The following ERICH2 variants were observed in gnomAD, a reference collection of about 807,000 sequenced individuals.
ERICH2 encodes the protein glutamate-rich protein 2.
A neutral mutation model predicts 17.4 loss-of-function variants in ERICH2; 17 were observed. That is an observed-to-expected ratio of 0.98 (90% CI 0.67 to 1.47). ERICH2 has a LOEUF of 1.47. Among genes scored for constraint, ERICH2 ranks in the 40% most tolerant of loss-of-function variants. The pLI is 0.00. For synonymous variants in ERICH2, 51 were observed against 61.1 expected (o/e 0.83, Z 0.77); for missense variants, 186 against 183.2 (o/e 1.01, Z -0.09).
chr2:170,797,126 C>A (rs1436249885), intron 3 of ERICH2, among the ~76,000 whole-genome samples: 5 of 152,108 alleles, frequency 3.3e-5, no homozygotes, highest in South Asian at 2.1e-4. Flanking sequence ...GTTAAGCAGG[C>A]AATGACCAAC....
intron 1 of ERICH2, 89 bp from the exon 7 acceptor site, chr2:170,784,557 C>A: frequency 1.7e-6 from 1 of 576,232 alleles, no homozygotes; most frequent in Non-Finnish European, 2.8e-6. Flanking sequence ...ATTAATATAT[C>A]AGTTTAATGA....
chr2:170,789,127 A>ATT (rs200769691), intron 2 of ERICH2, among the ~76,000 whole-genome samples: 5 of 140,636 alleles, frequency 3.6e-5, no homozygotes, highest in Admixed American at 1.4e-4. Context: ...TGCCTGGCTA[A>ATT]TTTTTTTTTT....
intron 4 of ERICH2, 49 bp from the exon 10 acceptor site, chr2:170,798,721 G>T (rs1701489754): frequency 4.5e-6 from 7 of 1,543,662 alleles, no homozygotes; most frequent in Non-Finnish European, 6.1e-6. Flanking sequence ...ATTTTTCAGA[G>T]TGAAATATTA....
chr2:170,771,731 TATTCTC>T, the ERICH2 span, among the ~76,000 whole-genome samples: 1 of 152,264 alleles, frequency 6.6e-6, no homozygotes, highest in Non-Finnish European at 1.5e-5. This position sits in a 1 kb window ranked among gnomAD's most constrained non-coding sequence, Gnocchi z 4.8. Context: ...TCCCGGGCCT[TATTCTC>T]ATCTTATGAG....
At chr2:170,773,971 C>A in the ERICH2 span, among the ~76,000 whole-genome samples, 1 of 152,196 alleles carries the variant, frequency 6.6e-6, no homozygotes, top group Non-Finnish European at 1.5e-5. Flanking sequence ...ATCCTCTGGC[C>A]TCGACCTCCC....
intron 2 of ERICH2, among the ~76,000 whole-genome samples, chr2:170,790,298 C>G (rs780209871): frequency 6.6e-6 from 1 of 151,928 alleles, no homozygotes; most frequent in African/African-American, 2.4e-5. Flanking sequence ...AATTCAAGAC[C>G]GGCCTGGCCA....
rs532472433 is a variant in ERICH2 at position 170,793,326 on chromosome 2, G to A, written c.274+406G>A. ...TGTTCCAGGCACTGGAAATACAATA[G>A]TCAGTCAGACAGATGACAATCCCAC... is the stretch of plus-strand genomic sequence containing the variant. On this transcript the variant is annotated intron_variant, in intron 3 of 4. Coordinates refer to ENST00000409885, the Ensembl canonical transcript of ERICH2. 1.3e-4 allele frequency among the ~76,000 whole-genome samples: 19 copies of A among 145,070 alleles called. No individual in the cohort carries two copies. The South Asian group carries it at 3.5e-3, about 27-fold the overall frequency.
chr2:170,794,409 C>A (rs1038991669), intron 3 of ERICH2, among the ~76,000 whole-genome samples: 4 of 151,982 alleles, frequency 2.6e-5, no homozygotes, highest in African/African-American at 9.7e-5. Flanking sequence ...ACCTGGCTCT[C>A]TTTCTTTTAT....
At chr2:170,776,924 C>T in the ERICH2 span, among the ~76,000 whole-genome samples, 5 of 151,706 alleles carry the variant, frequency 3.3e-5, no homozygotes, top group African/African-American at 4.8e-5. Context: ...TCCCTCCCCA[C>T]CCCGTCCCCC....
upstream of ERICH2, among the ~76,000 whole-genome samples, chr2:170,779,324 T>G (rs560492444): frequency 6.6e-6 from 1 of 152,222 alleles, no homozygotes; most frequent in Admixed American, 6.5e-5. Flanking sequence ...TTCATTTAGG[T>G]TGGGTTAGGG....
chr2:170,794,025 T>C (rs900571052), intron 3 of ERICH2, among the ~76,000 whole-genome samples: 1 of 151,968 alleles, frequency 6.6e-6, no homozygotes, highest in Non-Finnish European at 1.5e-5. Context: ...ATGTGTATCT[T>C]ATACTCAGCT....
At chr2:170,790,521 G>A (rs1407793319) in intron 2 of ERICH2, among the ~76,000 whole-genome samples, 3 of 152,252 alleles carry the variant, frequency 2.0e-5, no homozygotes, top group Admixed American at 1.3e-4. Flanking sequence ...CAGCTATTCA[G>A]GAGGCTGAGG....
intron 1 of ERICH2, 26 bp from the exon 7 acceptor site, chr2:170,784,620 A>G: frequency 7.2e-7 from 1 of 1,391,546 alleles, no homozygotes; most frequent in East Asian, 2.6e-5. Flanking sequence ...ATCTCTTTTG[A>G]TTAAATTAGG....
Position 170,796,847 on chromosome 2 carries a change from G to A in ERICH2, c.275-1194G>A, listed in dbSNP as rs145713583. ...GGAGTCACAATATTAAACGGATGAT[G>A]CAAAATTATGAATACTCCTCAAGGC... On this transcript the variant is annotated intron_variant, in intron 3 of 4. Coordinates refer to ENST00000409885, the Ensembl canonical transcript of ERICH2. 2.0e-5 allele frequency among the ~76,000 whole-genome samples: 3 copies of A among 152,232 alleles called. No homozygotes were observed. The East Asian group carries it at 5.8e-4, about 29-fold the overall frequency.
chr2:170,796,191 A>C (rs1487688889), intron 3 of ERICH2, among the ~76,000 whole-genome samples: 1 of 152,244 alleles, frequency 6.6e-6, no homozygotes, highest in African/African-American at 2.4e-5. Context: ...TACTTTGCTC[A>C]GAAACCTTAT....
chr2:170,776,382 AGTT>A, the ERICH2 span, among the ~76,000 whole-genome samples: 3 of 152,110 alleles, frequency 2.0e-5, no homozygotes, highest in East Asian at 5.8e-4. Flanking sequence ...TTGTTGTTGT[AGTT>A]GTTGTTTTTT....
chr2:170,774,010 C>T, the ERICH2 span, among the ~76,000 whole-genome samples: 3 of 152,026 alleles, frequency 2.0e-5, no homozygotes, highest in Admixed American at 1.3e-4. Context: ...GTGTGAGCCA[C>T]GACACCTGAC....
chr2:170,785,902 T>G (rs1701149208), intron 2 of ERICH2, among the ~76,000 whole-genome samples: 1 of 152,174 alleles, frequency 6.6e-6, no homozygotes, highest in South Asian at 2.1e-4. Flanking sequence ...ACAGTCTGCC[T>G]TTAATTATTA....
chr2:170,796,560 G>A (rs1021735541), intron 3 of ERICH2, among the ~76,000 whole-genome samples: 8 of 151,206 alleles, frequency 5.3e-5, no homozygotes, highest in East Asian at 1.9e-4. Flanking sequence ...CTCGGCCTCC[G>A]AAGGAGCTGG....
Sources: gnomAD v4.1 joint callset for allele counts (sites outside exome capture counted in the v4.1 genomes callset) on GRCh38, gnomAD v4.1.1 for gene constraint, Gnocchi (gnomAD v3.1) non-coding constraint, MANE v1.5 for transcripts, NCBI Gene and HGNC (gene_info 2026-07-23, HGNC 2026-07-21) for gene names.